Variants in DMD observed in about 807,000 individuals in gnomAD.
DMD encodes dystrophin.
In DMD, 63 loss-of-function variants were observed where a neutral mutation model predicts 330.1. That is an observed-to-expected ratio of 0.19 (90% CI 0.16 to 0.24). DMD has a LOEUF of 0.24. Among genes scored for constraint, DMD ranks in the 10% least tolerant of loss-of-function variants. DMD has a pLI of 1.00. For synonymous variants in DMD, 1,223 were observed against 959.8 expected (o/e 1.27, Z -5.07); for missense variants, 3,344 against 2,684.1 (o/e 1.25, Z -5.43).
chrX:32,969,115 T>C (rs2092292028), intron 2 of DMD, among the ~76,000 whole-genome samples: 1 of 101,490 alleles, frequency 9.9e-6, no homozygotes, highest in South Asian at 5.0e-4. Context: ...AAGATGAACG[T>C]CACTGAGGAA....
chrX:32,698,257 C>G (rs1451197380), intron 8 of DMD, among the ~76,000 whole-genome samples: 1 of 111,331 alleles, frequency 9.0e-6, no homozygotes, highest in Non-Finnish European at 1.9e-5. Flanking sequence ...CAAAGTAACA[C>G]AACTCCAACA....
chrX:32,754,432 G>C (rs1381043670), intron 7 of DMD, among the ~76,000 whole-genome samples: 1 of 109,869 alleles, frequency 9.1e-6, no homozygotes, highest in Non-Finnish European at 1.9e-5. Flanking sequence ...ACTCTCCCAA[G>C]TCAATATGGT....
At chrX:32,334,970 A>T (rs369511601) in intron 41 of DMD, among the ~76,000 whole-genome samples, 6 of 111,176 alleles carry the variant, frequency 5.4e-5, no homozygotes, top group African/African-American at 2.0e-4. Flanking sequence ...GGCGTCTTCC[A>T]TTTCTCAGAT....
At chrX:31,307,102 T>C (rs747192272) in intron 62 of DMD, among the ~76,000 whole-genome samples, 29 of 111,601 alleles carry the variant, frequency 2.6e-4, no homozygotes, top group Non-Finnish European at 5.1e-4. Flanking sequence ...CACGTTCTAT[T>C]ACACATCAGG....
At chrX:33,122,566 CTT>C (rs1327843665) in intron 1 of DMD, among the ~76,000 whole-genome samples, 3 of 112,158 alleles carry the variant, frequency 2.7e-5, no homozygotes, top group Non-Finnish European at 1.9e-5. Context: ...TCCTTAGTCA[CTT>C]TTCATTATGC....
At chrX:31,197,668 T>C (rs1218770886) in intron 67 of DMD, among the ~76,000 whole-genome samples, 2 of 111,578 alleles carry the variant, frequency 1.8e-5, no homozygotes, top group Admixed American at 1.9e-4. Context: ...CCAGCTCTCA[T>C]AGGTGAAGCA....
In DMD at chrX:31,120,353, T is replaced by TCTTTCTTA. The variant is rs1398350318; in HGVS notation, c.*1565_*1566insTAAGAAAG. ...AACATTTGAATCAATTTGCCTTCTT[T>TCTTTCTTA]CTTACTTACTTACAAACCTGTGTGG... On this transcript the variant is annotated 3_prime_UTR_variant, in exon 79 of 79. Coordinates refer to ENST00000357033, the MANE Select transcript of DMD (RefSeq NM_004006.3). The TCTTTCTTA allele has an allele frequency of 7.2e-5, 8 of 110,939 alleles. No homozygotes were observed. The highest frequency in any genetic ancestry group is 2.6e-4 in the African/African-American group (8 of 30,194). 9.1% of individuals were successfully genotyped at this position (110,939 alleles called of 1,213,427 possible).
intron 59 of DMD, among the ~76,000 whole-genome samples, chrX:31,472,897 C>T (rs1029446157): frequency 3.6e-5 from 4 of 112,239 alleles, no homozygotes; most frequent in Admixed American, 1.9e-4. Context: ...GACAAAAATG[C>T]GATATGCATA....
intron 44 of DMD, among the ~76,000 whole-genome samples, chrX:32,157,878 C>T (rs769324877): frequency 9.8e-5 from 11 of 111,738 alleles, no homozygotes; most frequent in Non-Finnish European, 2.1e-4. Context: ...GATCAAAGCA[C>T]GGCATCTAAA....
chrX:32,980,225 G>A (rs1161128163), intron 2 of DMD, among the ~76,000 whole-genome samples: 1 of 108,031 alleles, frequency 9.3e-6, no homozygotes, highest in African/African-American at 3.4e-5. Flanking sequence ...AATTAGGCTG[G>A]TGTAGTAGCA....
chrX:33,102,922 G>T (rs2095252983), intron 1 of DMD, among the ~76,000 whole-genome samples: 2 of 111,875 alleles, frequency 1.8e-5, no homozygotes, highest in African/African-American at 6.5e-5. Flanking sequence ...CCCGTAAATG[G>T]CAAGTGGTAT....
intron 63 of DMD, among the ~76,000 whole-genome samples, chrX:31,251,556 T>A (rs1181607241): frequency 8.9e-6 from 1 of 112,013 alleles, no homozygotes; most frequent in African/African-American, 3.2e-5. Flanking sequence ...TAATGATTCA[T>A]CCACTATGTC....
At chrX:31,569,175 A>ATTTTC (rs10661107) in intron 55 of DMD, among the ~76,000 whole-genome samples, 40,353 of 108,901 alleles carry the variant, frequency 0.37, 6,155 homozygotes, top group African/African-American at 0.55. Flanking sequence ...CCATTCTACT[A>ATTTTC]TTTTCTTTCT....
chrX:31,770,943 CT>C (rs1275264032), intron 51 of DMD, among the ~76,000 whole-genome samples: 1 of 111,775 alleles, frequency 8.9e-6, no homozygotes, highest in Non-Finnish European at 1.9e-5. Context: ...TGTTGTACAA[CT>C]TTATGTTTCC....
intron 2 of DMD, among the ~76,000 whole-genome samples, chrX:32,938,233 T>C (rs1194990914): frequency 9.0e-6 from 1 of 111,621 alleles, no homozygotes; most frequent in East Asian, 2.8e-4. Context: ...TTGCTGATAA[T>C]ATTATATATG....
At chrX:32,417,079 C>A (rs1240168028) in intron 29 of DMD, among the ~76,000 whole-genome samples, 5 of 111,891 alleles carry the variant, frequency 4.5e-5, no homozygotes, top group Non-Finnish European at 5.6e-5. Context: ...GAAACTGTCA[C>A]TATGGATATG....
intron 20 of DMD, among the ~76,000 whole-genome samples, chrX:32,485,476 T>A (rs1040465402): frequency 4.5e-5 from 5 of 110,670 alleles, no homozygotes; most frequent in Admixed American, 9.8e-5. Context: ...TGCTTCAAAT[T>A]TTAAGCTCAC....
At chrX:33,009,046 ATATG>A (rs1374443253) in intron 2 of DMD, among the ~76,000 whole-genome samples, 2 of 95,686 alleles carry the variant, frequency 2.1e-5, no homozygotes, top group African/African-American at 7.5e-5. Flanking sequence ...GTATATATGT[ATATG>A]TGTCTATATG....
chrX:31,844,138 C>T (rs1173520641), intron 48 of DMD, among the ~76,000 whole-genome samples: 3 of 111,910 alleles, frequency 2.7e-5, no homozygotes, highest in Non-Finnish European at 5.6e-5. Flanking sequence ...GGATTACAGG[C>T]GTGAGCCACC....
Sources: allele counts gnomAD v4.1 joint callset (sites outside exome capture counted in the v4.1 genomes callset), GRCh38; gene constraint gnomAD v4.1.1; transcripts MANE v1.5; gene names NCBI Gene and HGNC (gene_info 2026-07-23, HGNC 2026-07-21).